GRIP1: variants seen among roughly 807,000 people sequenced by gnomAD.
GRIP1 encodes the protein glutamate receptor interacting protein 1.
Under a neutral mutation model 129.9 loss-of-function variants are expected in GRIP1, and 45 were observed. The observed-to-expected ratio is 0.35, with a 90% CI of 0.27 to 0.44. The LOEUF is 0.44. GRIP1 is among the 20% of genes least tolerant of loss of function. The probability of loss-of-function intolerance (pLI) is 1.00; values close to 1 mark genes in which losing one functional copy is unlikely to be tolerated. For synonymous variants in GRIP1, 530 were observed against 520.8 expected (o/e 1.02, Z -0.24); for missense variants, 1,196 against 1,396.8 (o/e 0.86, Z 2.29).
chr12:66,811,054 T>C (rs2136951667), intron 1 of GRIP1, among the ~76,000 whole-genome samples: 1 of 152,342 alleles, frequency 6.6e-6, no homozygotes, highest in South Asian at 2.1e-4. Context: ...AACTGTGGCA[T>C]GTCTGCATTT....
intron 11 of GRIP1, among the ~76,000 whole-genome samples, chr12:66,448,861 A>G (rs748415604): frequency 2.6e-5 from 4 of 152,084 alleles, no homozygotes; most frequent in Non-Finnish European, 5.9e-5. Context: ...CCTGTTTTGA[A>G]TTTTCAATAG....
chr12:66,975,077 T>C (rs767231725), intron 1 of GRIP1, among the ~76,000 whole-genome samples: 8 of 152,164 alleles, frequency 5.3e-5, no homozygotes, highest in Admixed American at 6.6e-5. Context: ...CTTTTTTATA[T>C]GGATTTGGGG....
chr12:66,561,415 G>C (rs1482995598), intron 2 of GRIP1, among the ~76,000 whole-genome samples: 1 of 151,802 alleles, frequency 6.6e-6, no homozygotes, highest in Non-Finnish European at 1.5e-5. Context: ...TGCATTGCAT[G>C]GCTGTATCAA....
intron 6 of GRIP1, among the ~76,000 whole-genome samples, chr12:66,517,452 T>C (rs984147810): frequency 6.6e-6 from 1 of 152,166 alleles, no homozygotes; most frequent in Non-Finnish European, 1.5e-5. Flanking sequence ...ATAATAAGAA[T>C]GTTGAGAATG....
chr12:66,469,123 G>T (rs1239570882), intron 7 of GRIP1, among the ~76,000 whole-genome samples: 1 of 152,204 alleles, frequency 6.6e-6, no homozygotes, highest in African/African-American at 2.4e-5. Flanking sequence ...GCTCAAGGCT[G>T]GAGCTGAGGA....
At chr12:66,383,252 A>G (rs929094057) in intron 19 of GRIP1, among the ~76,000 whole-genome samples, 1 of 151,850 alleles carries the variant, frequency 6.6e-6, no homozygotes, top group Non-Finnish European at 1.5e-5. Flanking sequence ...AGCTGAAGGC[A>G]TGCCACTGCA....
Position 66,541,937 on chromosome 12 carries a change from G to T in GRIP1, c.150C>A (p.Gly50=), listed in dbSNP as rs1383535458. 1 of 1,613,880 alleles carries T rather than the reference G, an allele frequency of 6.2e-7. No individual in the cohort carries two copies. ...RRQSIPEEFK[G]STVVELMKKE... is the part of the protein sequence containing the mutation. ...TCTTCATCAGCTCGACGACTGTGGA[G>T]CCCTTGAATTCCTCTGTTAAAAGAA... The change falls in exon 3 of 25, where the codon GGC becomes GGA. Residue 50 remains glycine, a synonymous_variant. Transcript: ENST00000359742.
intron 1 of GRIP1, among the ~76,000 whole-genome samples, chr12:66,649,866 C>T (rs189760375): frequency 1.6e-4 from 24 of 152,296 alleles, no homozygotes; most frequent in Admixed American, 1.2e-3. Flanking sequence ...CCTTGGGCTC[C>T]TTTCCTTCTG....
chr12:66,496,222 G>A (rs986905248), intron 7 of GRIP1, among the ~76,000 whole-genome samples: 2 of 152,132 alleles, frequency 1.3e-5, no homozygotes, highest in African/African-American at 2.4e-5. Context: ...ACGTGTCTAA[G>A]AGCATCTCCT....
At chr12:66,794,393 G>T (rs573457131) in intron 1 of GRIP1, among the ~76,000 whole-genome samples, 8 of 152,258 alleles carry the variant, frequency 5.3e-5, no homozygotes, top group African/African-American at 1.4e-4. Context: ...ACTCACAAAA[G>T]GACACTGTAT....
chr12:66,688,874 GA>G (rs1424138787), intron 1 of GRIP1, among the ~76,000 whole-genome samples: 1 of 152,072 alleles, frequency 6.6e-6, no homozygotes, highest in African/African-American at 2.4e-5. Flanking sequence ...TGGGCGCCGT[GA>G]AAAACCATGG....
At chr12:66,428,493 C>T (rs971243041) in intron 14 of GRIP1, among the ~76,000 whole-genome samples, 1 of 152,122 alleles carries the variant, frequency 6.6e-6, no homozygotes, top group Non-Finnish European at 1.5e-5. Context: ...AGTGAATTCA[C>T]TGTACTCACA....
chr12:67,035,583 T>C (rs2043083184), intron 1 of GRIP1: 1 of 152,124 alleles, frequency 6.6e-6, no homozygotes, highest in Non-Finnish European at 1.5e-5. Flanking sequence ...TGCCAATGAT[T>C]AGGTATTTAA....
intron 1 of GRIP1, among the ~76,000 whole-genome samples, chr12:66,822,454 G>T (rs1285444385): frequency 6.6e-6 from 1 of 152,172 alleles, no homozygotes; most frequent in Non-Finnish European, 1.5e-5. Context: ...ATTTCTCAAA[G>T]AACTTAAAGC....
intron 24 of GRIP1, among the ~76,000 whole-genome samples, chr12:66,351,509 A>G (rs1047096081): frequency 6.6e-6 from 1 of 151,862 alleles, no homozygotes; most frequent in Admixed American, 6.6e-5. Flanking sequence ...CTGCTCTCAA[A>G]AAGTTTACAA....
chr12:66,704,630 C>G (rs2035466105), intron 1 of GRIP1, among the ~76,000 whole-genome samples: 1 of 152,084 alleles, frequency 6.6e-6, no homozygotes, highest in Non-Finnish European at 1.5e-5. Context: ...TGTACCCCTA[C>G]AGGTGGCAGG....
chr12:66,557,046 T>TAA (rs59179644), intron 2 of GRIP1, among the ~76,000 whole-genome samples: 1 of 150,388 alleles, frequency 6.6e-6, no homozygotes, highest in African/African-American at 2.4e-5. Context: ...GCTGAATGGA[T>TAA]AAAAAAAAAG....
At chr12:66,511,826 G>T (rs1281551566) in intron 7 of GRIP1, among the ~76,000 whole-genome samples, 1 of 152,068 alleles carries the variant, frequency 6.6e-6, no homozygotes, top group Non-Finnish European at 1.5e-5. Context: ...TATATCTTGG[G>T]CTTTTAAGGC....
intron 2 of GRIP1, chr12:66,567,549 T>C (rs1040583890): frequency 3.9e-5 from 6 of 153,610 alleles, no homozygotes; most frequent in African/African-American, 1.4e-4. Context: ...GGAAACTGAA[T>C]GTCTCTGATT....
Sources: allele counts gnomAD v4.1 joint callset (sites outside exome capture counted in the v4.1 genomes callset), GRCh38; gene constraint gnomAD v4.1.1; transcripts MANE v1.5; gene names NCBI Gene and HGNC (gene_info 2026-07-23, HGNC 2026-07-21).